CYP2J2: variants seen among roughly 807,000 people sequenced by gnomAD.
The protein encoded by CYP2J2 is cytochrome P450 family 2 subfamily J member 2.
In CYP2J2, 41 loss-of-function variants were observed where a neutral mutation model predicts 48.8. The observed-to-expected ratio is 0.84, with a 90% confidence interval of 0.66 to 1.09. The LOEUF (loss-of-function observed/expected upper bound fraction) is 1.09. CYP2J2 is among the 50% of genes least tolerant of loss of function. The probability of loss-of-function intolerance (pLI) is 0.00; values close to 1 mark genes in which losing one functional copy is unlikely to be tolerated. For missense variants in CYP2J2, 644 were observed against 617.3 expected, an observed-to-expected ratio of 1.04 and a Z score of -0.46; for synonymous variants, 221 against 227.1, an observed-to-expected ratio of 0.97 and a Z score of 0.24.
the CYP2J2 span, among the ~76,000 whole-genome samples, chr1:59,951,731 T>C: frequency 1.3e-5 from 2 of 152,148 alleles, no homozygotes; most frequent in Non-Finnish European, 2.9e-5. Flanking sequence ...CTTAATCCCA[T>C]CCTTATTAGT....
the CYP2J2 span, among the ~76,000 whole-genome samples, chr1:59,948,051 TTC>T: frequency 1.3e-5 from 2 of 152,156 alleles, no homozygotes; most frequent in African/African-American, 4.8e-5. Flanking sequence ...TTGCACAGGA[TTC>T]TCTGTCAGGA....
intron 1 of CYP2J2, among the ~76,000 whole-genome samples, chr1:59,921,019 T>A (rs954115233): frequency 1.3e-5 from 2 of 152,172 alleles, no homozygotes; most frequent in African/African-American, 4.8e-5. Context: ...TCTTCCAACA[T>A]TCTACAAAAG....
the CYP2J2 span, among the ~76,000 whole-genome samples, chr1:59,957,282 TC>T: frequency 4.7e-5 from 7 of 149,422 alleles, no homozygotes; most frequent in Non-Finnish European, 7.4e-5. Context: ...AAAAAGAAAT[TC>T]CATTAACATA....
chr1:59,951,425 T>A, the CYP2J2 span, among the ~76,000 whole-genome samples: 3 of 151,960 alleles, frequency 2.0e-5, no homozygotes, highest in African/African-American at 7.2e-5. Context: ...TCTTCACATT[T>A]AAAAAAAATA....
At chr1:59,907,170 T>C (rs551226864) in intron 6 of CYP2J2, among the ~76,000 whole-genome samples, 1 of 152,274 alleles carries the variant, frequency 6.6e-6, no homozygotes, top group African/African-American at 2.4e-5. Context: ...TGCTAATAAT[T>C]TCCTAGGGGA....
chr1:59,930,247 A>G (rs925539419), upstream of CYP2J2, among the ~76,000 whole-genome samples: 1 of 152,156 alleles, frequency 6.6e-6, no homozygotes, highest in African/African-American at 2.4e-5. Context: ...TCTGCTTTCA[A>G]TTCTTTTGGG....
Position 59,893,627 on chromosome 1 carries a change from T to A in CYP2J2, c.*24A>T. ...CACGTGCCATGTCTTCTTACTTTCC[T>A]TGCCCCTTTCTTTCTTAACAATATT... On this transcript the variant is annotated 3_prime_UTR_variant, in exon 9 of 9. Coordinates refer to ENST00000371204, the MANE Select transcript of CYP2J2 (RefSeq NM_000775.4). The A allele has an allele frequency of 1.9e-6, 3 of 1,556,536 alleles. No individual in the cohort carries two copies. The highest frequency in any genetic ancestry group is 2.6e-6 in the Non-Finnish European group (3 of 1,146,762).
At chr1:59,947,351 G>A in the CYP2J2 span, among the ~76,000 whole-genome samples, 5 of 152,122 alleles carry the variant, frequency 3.3e-5, no homozygotes, top group Non-Finnish European at 5.9e-5. Flanking sequence ...ACTATTTGGC[G>A]AAAACCCATA....
At chr1:59,909,670 C>T in intron 5 of CYP2J2, 114 bp downstream of exon 5, 2 of 679,416 alleles carry the variant, frequency 2.9e-6, no homozygotes, top group Non-Finnish European at 4.8e-6. Flanking sequence ...GAGAATCAAT[C>T]TGTGCTATTT....
At chr1:59,965,191 G>T in the CYP2J2 span, among the ~76,000 whole-genome samples, 18 of 152,288 alleles carry the variant, frequency 1.2e-4, no homozygotes, top group Non-Finnish European at 4.4e-5. Context: ...GTTCACTTTT[G>T]GTACCGTTAG....
chr1:59,903,733 GA>G (rs1644340643), intron 7 of CYP2J2, among the ~76,000 whole-genome samples: 1 of 152,060 alleles, frequency 6.6e-6, no homozygotes, highest in Non-Finnish European at 1.5e-5. Context: ...TAGACCAATT[GA>G]AAAAATAATA....
intron 1 of CYP2J2, among the ~76,000 whole-genome samples, chr1:59,916,973 C>T (rs1644471613): frequency 2.0e-5 from 3 of 152,020 alleles, no homozygotes; most frequent in Admixed American, 6.6e-5. Flanking sequence ...ATAATAGAAA[C>T]GTATGCTAGA....
rs1229523094 is a variant in CYP2J2, at chr1:59,926,616, G to A, written c.131C>T (p.Pro44Leu). 6.2e-7 allele frequency: 1 copy of A among 1,614,212 alleles called. No individual in the cohort carries two copies. The highest frequency in any genetic ancestry group is 1.1e-5 in the South Asian group (1 of 91,088). ...FLKRRRPKNY[P>L]PGPWRLPFLG... ...GAAGGGCAGGCGCCAGGGCCCCGGC[G>A]GGTAGTTCTTTGGGCGCCGTCTTTT... The change falls in exon 1 of 9, where the codon CCG (proline) becomes CTG (leucine). Residue 44 changes from proline (P) to leucine (L), a missense_variant. Transcript: ENST00000371204.
At chr1:59,938,968 A>AT in the CYP2J2 span, among the ~76,000 whole-genome samples, 2 of 152,246 alleles carry the variant, frequency 1.3e-5, no homozygotes, top group African/African-American at 2.4e-5. Context: ...ATAGCCGTAG[A>AT]TCCCTTAAAC....
chr1:59,901,433 T>C (rs1484230998), intron 7 of CYP2J2, among the ~76,000 whole-genome samples: 1 of 152,132 alleles, frequency 6.6e-6, no homozygotes, highest in Non-Finnish European at 1.5e-5. Context: ...GAGAGAATAA[T>C]CCAACAGTCA....
intron 4 of CYP2J2, among the ~76,000 whole-genome samples, chr1:59,910,830 G>T (rs1335370057): frequency 6.6e-6 from 1 of 152,092 alleles, no homozygotes; most frequent in Non-Finnish European, 1.5e-5. Flanking sequence ...ACCGAGCAGA[G>T]TTTTTGACAA....
upstream of CYP2J2, among the ~76,000 whole-genome samples, chr1:59,931,396 G>A (rs1161739938): frequency 6.6e-6 from 1 of 152,026 alleles, no homozygotes; most frequent in African/African-American, 2.4e-5. Context: ...TCTCAGCATT[G>A]TATTAACCAG....
chr1:59,957,703 CCACA>C, the CYP2J2 span, among the ~76,000 whole-genome samples: 3 of 148,132 alleles, frequency 2.0e-5, 1 homozygote, highest in South Asian at 6.3e-4. Context: ...CACACACACA[CCACA>C]CACACACACC....
chr1:59,940,264 C>A, the CYP2J2 span, among the ~76,000 whole-genome samples: 1 of 152,140 alleles, frequency 6.6e-6, no homozygotes, highest in Non-Finnish European at 1.5e-5. Flanking sequence ...GTTATAAGGG[C>A]CCAAGGACTC....
Sources: allele counts gnomAD v4.1 joint callset (sites outside exome capture counted in the v4.1 genomes callset), GRCh38; gene constraint gnomAD v4.1.1; transcripts MANE v1.5; gene names NCBI Gene and HGNC (gene_info 2026-07-23, HGNC 2026-07-21).